The following ANKRD17 variants were observed in gnomAD, a reference collection of about 807,000 sequenced individuals.
ANKRD17 encodes the protein ankyrin repeat domain 17, also known as ankyrin repeat domain-containing protein 17.
In ANKRD17, 19 loss-of-function variants were observed where a neutral mutation model predicts 229.7. The observed-to-expected ratio is 0.08, with a 90% CI of 0.06 to 0.12. ANKRD17 has a LOEUF of 0.12. Among genes scored for constraint, ANKRD17 ranks in the 10% least tolerant of loss-of-function variants. The probability of loss-of-function intolerance (pLI) is 1.00; values close to 1 mark genes in which losing one functional copy is unlikely to be tolerated. For synonymous variants in ANKRD17, 1,112 were observed against 1,146.1 expected (o/e 0.97, Z 0.60); for missense variants, 2,176 against 3,176.8 (o/e 0.68, Z 7.57).
intron 1 of ANKRD17, among the ~76,000 whole-genome samples, chr4:73,221,621 A>C (rs1490904930): frequency 6.6e-6 from 1 of 152,194 alleles, no homozygotes; most frequent in African/African-American, 2.4e-5. Flanking sequence ...GCCACTTGTA[A>C]TTACTAAACT....
At chr4:73,137,015 GTTC>G (rs1728989690) in intron 15 of ANKRD17, among the ~76,000 whole-genome samples, 2 of 101,684 alleles carry the variant, frequency 2.0e-5, no homozygotes, top group African/African-American at 7.2e-5. Context: ...CAAATTGGTT[GTTC>G]TTATCACCTC....
At chr4:73,164,225 A>G (rs1030231202) in intron 2 of ANKRD17, among the ~76,000 whole-genome samples, 1 of 152,230 alleles carries the variant, frequency 6.6e-6, no homozygotes, top group Non-Finnish European at 1.5e-5. Context: ...AATATTTGTC[A>G]GTGATAGCAA....
At position 73,091,501 on chromosome 4, in the gene ANKRD17, G is replaced by C. The variant is rs757180046; in HGVS notation, c.6127C>G (p.Pro2043Ala). The C allele has an allele frequency of 1.9e-6, 3 of 1,614,158 alleles. No individual in the cohort carries two copies. The highest frequency in any genetic ancestry group is 1.7e-5 in the Admixed American group (1 of 60,024). The change falls in exon 29 of 34, where the codon CCA (proline) becomes GCA (alanine). Residue 2043 changes from proline to alanine, a missense_variant. Pro to Ala is a conservative substitution (Grantham distance 27). This residue lies in a region of ANKRD17 where 424 missense variants were observed against 454.0 expected (regional missense o/e 0.93). Transcript: ENST00000358602. ...TAKEHYPVSS[P>A]SSPSPPAQPG... ...TGGGCTGGTGGTGATGGGGAAGATG[G>C]GGATGATACTGGATAGTGTTCTTTG...
chr4:73,125,122 A>G (rs1194919487), intron 17 of ANKRD17, 64 bp from the exon 18 acceptor site: 2 of 1,596,988 alleles, frequency 1.3e-6, no homozygotes, highest in Admixed American at 1.8e-5. Context: ...TCTGACCTTC[A>G]AAATAGGACT....
At chr4:73,154,808 G>A (rs959492318) in intron 5 of ANKRD17, among the ~76,000 whole-genome samples, 9 of 152,044 alleles carry the variant, frequency 5.9e-5, no homozygotes, top group Non-Finnish European at 8.8e-5. Context: ...TTGGGAGGCC[G>A]AGGCGGGCGG....
chr4:73,252,588 T>C (rs1745121922), intron 1 of ANKRD17, among the ~76,000 whole-genome samples: 1 of 152,100 alleles, frequency 6.6e-6, no homozygotes, highest in Non-Finnish European at 1.5e-5. Context: ...AAATAAAGCC[T>C]TATAAGCACC....
chr4:73,195,798 T>C (rs962054072), intron 1 of ANKRD17, among the ~76,000 whole-genome samples: 6 of 151,322 alleles, frequency 4.0e-5, no homozygotes, highest in South Asian at 2.1e-4. Flanking sequence ...TGAGCCACCG[T>C]GCCCAGCCTG....
At chr4:73,243,140 T>C (rs1744194721) in intron 1 of ANKRD17, among the ~76,000 whole-genome samples, 2 of 152,256 alleles carry the variant, frequency 1.3e-5, no homozygotes, top group South Asian at 4.1e-4. Context: ...GGAGGGTCAG[T>C]GCTACTAGAC....
At chr4:73,151,075 G>A (rs1168202809) in intron 7 of ANKRD17, among the ~76,000 whole-genome samples, 1 of 151,938 alleles carries the variant, frequency 6.6e-6, no homozygotes, top group African/African-American at 2.4e-5. Context: ...TGGCCAGGCT[G>A]GTCTTGAACT....
Position 73,142,403 on chromosome 4 carries a change from G to A in ANKRD17, c.2086-18C>T. 1 of 1,585,558 alleles carries A rather than the reference G, an allele frequency of 6.3e-7. No homozygotes were observed. The highest frequency in any genetic ancestry group is 1.4e-5 in the African/African-American group (1 of 72,864). On this transcript the variant is annotated intron_variant, in intron 12 of 33. Transcript: ENST00000358602. ...GAGCCATCCTAAAAGAGTGAATATG[G>A]AAGGGGAAAAAAAGTGAAGAAAAAT...
At chr4:73,179,362 A>C (rs1288318220) in intron 1 of ANKRD17, among the ~76,000 whole-genome samples, 1 of 149,392 alleles carries the variant, frequency 6.7e-6, no homozygotes, top group African/African-American at 2.4e-5. Context: ...CAAGGAGATA[A>C]AAAATACAAA....
intron 1 of ANKRD17, among the ~76,000 whole-genome samples, chr4:73,217,163 T>C (rs1280832548): frequency 1.3e-5 from 2 of 152,250 alleles, no homozygotes; most frequent in South Asian, 2.1e-4. Flanking sequence ...CAGACTACGA[T>C]GGATCAGTGG....
intron 18 of ANKRD17, among the ~76,000 whole-genome samples, chr4:73,122,080 T>A (rs541043092): frequency 6.6e-6 from 1 of 152,176 alleles, no homozygotes; most frequent in African/African-American, 2.4e-5. Flanking sequence ...TAGAGTAATA[T>A]GGGACAAGAT....
At position 73,160,331 on chromosome 4, in the gene ANKRD17, G is replaced by A. The variant is rs181758304; in HGVS notation, c.704+861C>T. Among the ~76,000 whole-genome samples, 175 of 144,324 alleles carry A rather than the reference G, an allele frequency of 1.2e-3. 1 individual carries two copies. The highest frequency in any genetic ancestry group is 4.3e-3 in the African/African-American group (169 of 39,086). The allele number at this position is 144,324 out of a possible 152,430, so 94.7% of individuals were successfully genotyped here. On this transcript the variant is annotated intron_variant, in intron 3 of 33. Coordinates refer to ENST00000358602, the MANE Select transcript of ANKRD17 (RefSeq NM_032217.5). ...CCTCCCAGGTTCAAGCGATTCTCCC[G>A]CCTCAGCCTCCCGAGTAGCGGGGAT... is the stretch of plus-strand genomic sequence containing the variant.
chr4:73,112,562 T>C (rs926317042), intron 24 of ANKRD17: 1 of 476,446 alleles, frequency 2.1e-6, no homozygotes, highest in African/African-American at 2.1e-5. Flanking sequence ...CAAAATAAAA[T>C]ACATTTTTTC....
At chr4:73,155,995 A>G (rs1731613710) in intron 4 of ANKRD17, 24 bp downstream of exon 4, 1 of 1,549,352 alleles carries the variant, frequency 6.5e-7, no homozygotes. Flanking sequence ...AACAACAAAT[A>G]AGCTTTATTT....
chr4:73,253,581 C>T (rs1745212000), intron 1 of ANKRD17, among the ~76,000 whole-genome samples: 1 of 152,194 alleles, frequency 6.6e-6, no homozygotes, highest in African/African-American at 2.4e-5. Flanking sequence ...GCCAAGGTCA[C>T]AATGCTAGTA....
Position 73,140,051 on chromosome 4 carries a change from C to T in ANKRD17, c.2565G>A (p.Arg855=). ...KEKIEELNKT[R]EEQIQKKQKI... ...TTTGTTTCTTCTGAATTTGTTCCTC[C>T]CTTGTTTTGTTGAGCTCCTCGATCT... The change falls in exon 15 of 34, where the codon AGG becomes AGA. Residue 855 remains arginine, a synonymous_variant. Coordinates refer to ENST00000358602, the MANE Select transcript of ANKRD17 (RefSeq NM_032217.5). The T allele has an allele frequency of 6.2e-7, 1 of 1,614,106 alleles. No homozygotes were observed. The highest frequency in any genetic ancestry group is 2.2e-5 in the East Asian group (1 of 44,874).
At chr4:73,126,687 C>T (rs1727512559) in intron 16 of ANKRD17, among the ~76,000 whole-genome samples, 1 of 152,152 alleles carries the variant, frequency 6.6e-6, no homozygotes. Context: ...GTTATAGTTT[C>T]AATGCTAACC....
Sources: allele counts gnomAD v4.1 joint callset (sites outside exome capture counted in the v4.1 genomes callset), GRCh38; gene constraint gnomAD v4.1.1; regional missense constraint gnomAD v4.1.1; transcripts MANE v1.5; gene names NCBI Gene and HGNC (gene_info 2026-07-23, HGNC 2026-07-21).